The following CACNA2D1 variants were observed in gnomAD, a reference collection of about 807,000 sequenced individuals.
The protein encoded by CACNA2D1 is voltage-dependent calcium channel subunit alpha-2/delta-1.
In CACNA2D1, 53 loss-of-function variants were observed where a neutral mutation model predicts 171.5. The observed-to-expected ratio is 0.31, with a 90% CI of 0.25 to 0.39. CACNA2D1 has a LOEUF of 0.39. CACNA2D1 is among the 10% of genes least tolerant of loss of function. CACNA2D1 has a pLI of 1.00. For missense variants in CACNA2D1, 903 were observed against 1,299.8 expected (o/e 0.69, Z 4.69); for synonymous variants, 442 against 443.1 (o/e 1.00, Z 0.03).
At chr7:82,355,789 TTC>T (rs1554522779) in intron 1 of CACNA2D1, among the ~76,000 whole-genome samples, 1 of 152,110 alleles carries the variant, frequency 6.6e-6, no homozygotes, top group Non-Finnish European at 1.5e-5. Flanking sequence ...CCTTCCTTAC[TTC>T]TCTTTTTCTA....
intron 38 of CACNA2D1, among the ~76,000 whole-genome samples, chr7:81,955,075 T>C (rs2130039706): frequency 6.6e-6 from 1 of 152,226 alleles, no homozygotes; most frequent in Admixed American, 6.5e-5. Flanking sequence ...CTTTACTTCT[T>C]TGATTAATAA....
intron 10 of CACNA2D1, among the ~76,000 whole-genome samples, chr7:82,055,439 T>C (rs1805711308): frequency 6.6e-6 from 1 of 152,078 alleles, no homozygotes; most frequent in Admixed American, 6.5e-5. Context: ...ATATAAATCA[T>C]GCTGCTATAA....
intron 1 of CACNA2D1, among the ~76,000 whole-genome samples, chr7:82,423,956 A>G (rs1166911592): frequency 6.6e-6 from 1 of 152,194 alleles, no homozygotes; most frequent in Non-Finnish European, 1.5e-5. Context: ...AATTTAAGTA[A>G]AAGAAGGTTT....
At chr7:82,096,807 ATATT>A (rs1421876514) in intron 6 of CACNA2D1, among the ~76,000 whole-genome samples, 5 of 151,944 alleles carry the variant, frequency 3.3e-5, no homozygotes, top group African/African-American at 9.7e-5. Context: ...CTCCAGCATC[ATATT>A]TAATCATTTT....
chr7:82,062,734 T>C (rs916870203), intron 9 of CACNA2D1, among the ~76,000 whole-genome samples: 3 of 116,218 alleles, frequency 2.6e-5, no homozygotes, highest in South Asian at 3.0e-4. Flanking sequence ...ATCTCCTTTT[T>C]TTTTTTTTTT....
At chr7:82,177,362 C>T (rs958174567) in intron 3 of CACNA2D1, among the ~76,000 whole-genome samples, 1 of 151,898 alleles carries the variant, frequency 6.6e-6, no homozygotes, top group African/African-American at 2.4e-5. Context: ...ATGTAAATAT[C>T]ATCTGATATT....
At chr7:82,078,485 C>A (rs71557114) in intron 7 of CACNA2D1, among the ~76,000 whole-genome samples, 9,601 of 152,134 alleles carry the variant, frequency 0.063, 475 homozygotes, top group Non-Finnish European at 0.085. Flanking sequence ...TTTTTAATAG[C>A]TTTAATTTAT....
intron 3 of CACNA2D1, among the ~76,000 whole-genome samples, chr7:82,262,556 A>G (rs1046379240): frequency 5.9e-5 from 9 of 152,112 alleles, no homozygotes; most frequent in African/African-American, 2.2e-4. Flanking sequence ...TTTTCCTTTT[A>G]AAAAAATACA....
intron 3 of CACNA2D1, among the ~76,000 whole-genome samples, chr7:82,315,768 C>T (rs964858653): frequency 6.6e-6 from 1 of 152,120 alleles, no homozygotes; most frequent in African/African-American, 2.4e-5. Context: ...ATAGATAAGA[C>T]AAACAGTATT....
chr7:82,171,353 C>G (rs1796000040), intron 3 of CACNA2D1, among the ~76,000 whole-genome samples: 1 of 151,830 alleles, frequency 6.6e-6, no homozygotes, highest in African/African-American at 2.4e-5. Context: ...AGACTTTTCT[C>G]TTTGTATTTT....
chr7:82,417,119 T>A (rs180716911), intron 1 of CACNA2D1, among the ~76,000 whole-genome samples: 204 of 152,326 alleles, frequency 1.3e-3, no homozygotes, highest in Middle Eastern at 6.8e-3. Context: ...ACATGTTACA[T>A]ATACACATTA....
At chr7:82,154,647 T>C (rs1461388850) in intron 4 of CACNA2D1, among the ~76,000 whole-genome samples, 1 of 152,090 alleles carries the variant, frequency 6.6e-6, no homozygotes, top group Non-Finnish European at 1.5e-5. Context: ...ACGTAAATAT[T>C]GAAGAAGAGT....
chr7:82,040,291 G>A (rs28430902), intron 10 of CACNA2D1, among the ~76,000 whole-genome samples: 2,230 of 152,174 alleles, frequency 0.015, 66 homozygotes, highest in African/African-American at 0.051. Flanking sequence ...GAGGACTGGA[G>A]GGATGACTGG....
chr7:82,139,764 T>C (rs1234090709), intron 4 of CACNA2D1, among the ~76,000 whole-genome samples: 1 of 151,068 alleles, frequency 6.6e-6, no homozygotes, highest in Non-Finnish European at 1.5e-5. Context: ...TTCTTGTTAC[T>C]AAGTATTTGA....
At chr7:82,125,750 T>C (rs890516977) in intron 5 of CACNA2D1, among the ~76,000 whole-genome samples, 1 of 152,150 alleles carries the variant, frequency 6.6e-6, no homozygotes, top group African/African-American at 2.4e-5. Flanking sequence ...AAACCTATAA[T>C]GATATGAAAA....
intron 3 of CACNA2D1, among the ~76,000 whole-genome samples, chr7:82,300,683 T>G (rs907775335): frequency 6.6e-6 from 1 of 152,084 alleles, no homozygotes; most frequent in African/African-American, 2.4e-5. Context: ...CTTCTTAAAT[T>G]AGAATACTTA....
intron 38 of CACNA2D1, among the ~76,000 whole-genome samples, chr7:81,958,924 A>G (rs1161368905): frequency 6.6e-6 from 1 of 151,986 alleles, no homozygotes; most frequent in East Asian, 1.9e-4. Flanking sequence ...GAAGACAAAT[A>G]TAACTAACAA....
intron 9 of CACNA2D1, among the ~76,000 whole-genome samples, chr7:82,063,562 T>TC (rs1309478085): frequency 1.3e-5 from 2 of 151,740 alleles, no homozygotes; most frequent in Admixed American, 6.6e-5. Flanking sequence ...CAAAGATTTT[T>TC]TTTTTTTTTT....
intron 6 of CACNA2D1, among the ~76,000 whole-genome samples, chr7:82,085,128 C>G (rs906790164): frequency 2.2e-4 from 34 of 152,300 alleles, no homozygotes; most frequent in African/African-American, 8.2e-4. Context: ...GAGGTTTATA[C>G]TCTGGAGAGA....
Sources: gnomAD v4.1 joint callset for allele counts (sites outside exome capture counted in the v4.1 genomes callset) on GRCh38, gnomAD v4.1.1 for gene constraint, MANE v1.5 for transcripts, NCBI Gene and HGNC (gene_info 2026-07-23, HGNC 2026-07-21) for gene names.